Variants in ZFHX3 observed in about 807,000 individuals in gnomAD.
ZFHX3 encodes the protein zinc finger homeobox protein 3.
A neutral mutation model predicts 279.1 loss-of-function variants in ZFHX3; 42 were observed. That is an observed-to-expected ratio of 0.15 (90% confidence interval 0.12 to 0.19). ZFHX3 has a LOEUF of 0.19. Ranked by LOEUF, ZFHX3 falls within the 10% of genes least tolerant of loss-of-function variation. The pLI, the probability that ZFHX3 is intolerant of heterozygous loss-of-function variation, is 1.00. For synonymous variants in ZFHX3, 2,293 were observed against 1,957.8 expected (o/e 1.17, Z -4.52); for missense variants, 4,981 against 4,754.0 (o/e 1.05, Z -1.40).
intron 7 of ZFHX3, among the ~76,000 whole-genome samples, chr16:73,125,919 G>A (rs1966561824): frequency 6.6e-6 from 1 of 151,992 alleles, no homozygotes; most frequent in Admixed American, 6.6e-5. Flanking sequence ...GAGAAATTGA[G>A]GCAAAGAGAA....
chr16:73,346,866 C>G (rs1293227290), intron 3 of ZFHX3, among the ~76,000 whole-genome samples: 1 of 152,174 alleles, frequency 6.6e-6, no homozygotes, highest in African/African-American at 2.4e-5. Flanking sequence ...CTTCTCTCCT[C>G]CCTAAACCAT....
intron 5 of ZFHX3, among the ~76,000 whole-genome samples, chr16:73,148,614 A>T (rs1165880938): frequency 8.9e-6 from 1 of 111,826 alleles, no homozygotes; most frequent in African/African-American, 3.5e-5. Context: ...TGGGAGGGTT[A>T]CTGAACTTCT....
chr16:73,166,837 T>A (rs935007581), intron 5 of ZFHX3, among the ~76,000 whole-genome samples: 1 of 152,122 alleles, frequency 6.6e-6, no homozygotes, highest in African/African-American at 2.4e-5. Flanking sequence ...CTTTTCAGAG[T>A]CACCTGAGGA....
At chr16:73,705,406 G>T (rs982984107) in intron 1 of ZFHX3, among the ~76,000 whole-genome samples, 1 of 152,100 alleles carries the variant, frequency 6.6e-6, no homozygotes, top group African/African-American at 2.4e-5. Context: ...AACCCCAAAG[G>T]CCAGATAAAG....
At chr16:73,140,779 G>A (rs1023212958) in intron 6 of ZFHX3, among the ~76,000 whole-genome samples, 3 of 152,176 alleles carry the variant, frequency 2.0e-5, no homozygotes, top group Non-Finnish European at 2.9e-5. Context: ...AATTGAACCC[G>A]GGAGGTGGAG....
At chr16:73,538,599 G>T (rs2019950861) in intron 2 of ZFHX3, among the ~76,000 whole-genome samples, 1 of 152,146 alleles carries the variant, frequency 6.6e-6, no homozygotes. Context: ...ATCTGGGAAA[G>T]TAACACACAA....
intron 2 of ZFHX3, among the ~76,000 whole-genome samples, chr16:73,484,210 T>C (rs1256557614): frequency 6.6e-6 from 1 of 152,112 alleles, no homozygotes; most frequent in African/African-American, 2.4e-5. Flanking sequence ...AAACGCTCTT[T>C]CCACGAAGCA....
chr16:73,490,442 T>G (rs143278885), intron 2 of ZFHX3, among the ~76,000 whole-genome samples: 1,553 of 152,338 alleles, frequency 0.01, 26 homozygotes, highest in African/African-American at 0.034. Context: ...GGAAATTAGT[T>G]TCAAGGTGGA....
At chr16:73,024,021 C>A (rs367736533) in intron 1 of ZFHX3, among the ~76,000 whole-genome samples, 2 of 152,152 alleles carry the variant, frequency 1.3e-5, no homozygotes, top group East Asian at 3.9e-4. Flanking sequence ...TGCAGTATTA[C>A]CATTAAACAA....
At chr16:73,347,629 T>C (rs9927391) in intron 3 of ZFHX3, among the ~76,000 whole-genome samples, 29,449 of 152,158 alleles carry the variant, frequency 0.19, 3,089 homozygotes, top group Middle Eastern at 0.27. Context: ...GCATGACTGC[T>C]ATGGTAACAC....
At chr16:72,816,247 T>C (rs189318005) in intron 5 of ZFHX3, among the ~76,000 whole-genome samples, 10 of 152,340 alleles carry the variant, frequency 6.6e-5, no homozygotes, top group East Asian at 1.9e-4. Context: ...AAACATCAGA[T>C]GGTATTTTTT....
chr16:73,683,359 A>C (rs2053046599), intron 1 of ZFHX3, among the ~76,000 whole-genome samples: 1 of 152,212 alleles, frequency 6.6e-6, no homozygotes, highest in Non-Finnish European at 1.5e-5. Flanking sequence ...AATAAAATTA[A>C]TCAGAGCCTT....
chr16:73,230,224 G>C (rs980385648), intron 5 of ZFHX3, among the ~76,000 whole-genome samples: 3 of 152,282 alleles, frequency 2.0e-5, no homozygotes, highest in African/African-American at 7.2e-5. Flanking sequence ...ATGAATGCAA[G>C]GGTGAATTTG....
chr16:73,575,115 G>A (rs967244889), intron 2 of ZFHX3, among the ~76,000 whole-genome samples: 3 of 152,102 alleles, frequency 2.0e-5, no homozygotes, highest in Admixed American at 2.0e-4. Flanking sequence ...TTCTTCCTAT[G>A]TTCTACATCA....
At chr16:72,910,147 G>C (rs1167735764) in intron 3 of ZFHX3, among the ~76,000 whole-genome samples, 1 of 152,152 alleles carries the variant, frequency 6.6e-6, no homozygotes, top group African/African-American at 2.4e-5. Context: ...TAAGGGTTAA[G>C]GTTATACACT....
intron 1 of ZFHX3, among the ~76,000 whole-genome samples, chr16:73,811,756 C>T (rs1352506599): frequency 1.3e-5 from 2 of 152,034 alleles, no homozygotes; most frequent in Non-Finnish European, 2.9e-5. Flanking sequence ...CCTTCCCTTT[C>T]TAATAGGCAG....
intron 5 of ZFHX3, among the ~76,000 whole-genome samples, chr16:73,171,944 C>T (rs1967535144): frequency 6.6e-6 from 1 of 152,134 alleles, no homozygotes; most frequent in East Asian, 1.9e-4. Flanking sequence ...CAAAATATCA[C>T]ACCTACCCCA....
chr16:73,656,146 A>ATGCT lies in ZFHX3; in HGVS notation c.-1547+24030_-1547+24033dup, dbSNP rs561307243. The stretch of plus-strand genomic sequence containing the variant: ...AACAAAGCTTTAGTGGAACACAACC[A>ATGCT]TGCTTATCCATTTACATGTTGTCTG... On this transcript the variant is annotated intron_variant, in intron 2 of 17. Coordinates refer to the ZFHX3 transcript ENST00000641206. Among the ~76,000 whole-genome samples the ATGCT allele has an allele frequency of 1.2e-3, 181 of 152,330 alleles. 3 individuals carry two copies. The highest frequency in any genetic ancestry group is 3.8e-3 in the African/African-American group (156 of 41,584).
In ZFHX3 at chr16:72,928,175, AG is replaced by A. The variant is rs1173280177; in HGVS notation, c.3216+22293del. Among the ~76,000 whole-genome samples the A allele has an allele frequency of 2.9e-4, 6 of 20,492 alleles. 1 individual carries two copies. The highest frequency in any genetic ancestry group is 3.4e-3 in the South Asian group (1 of 296). 13.4% of individuals were successfully genotyped at this position (20,492 alleles called of 152,430 possible). On this transcript the variant is annotated intron_variant, in intron 3 of 9. Coordinates refer to ENST00000268489, the MANE Select transcript of ZFHX3 (RefSeq NM_006885.4). ...AGGGGGAGGGGAGAGAGGGAGGGGG[AG>A]GGGAGAGAGGGAGGGGGAGGGGAGC...
Sources: gnomAD v4.1 joint callset for allele counts (sites outside exome capture counted in the v4.1 genomes callset) on GRCh38, gnomAD v4.1.1 for gene constraint, MANE v1.5 for transcripts, NCBI Gene and HGNC (gene_info 2026-07-23, HGNC 2026-07-21) for gene names.